RABGAP1L: variants seen among roughly 807,000 people sequenced by gnomAD.
The protein encoded by RABGAP1L is RAB GTPase activating protein 1 like.
RABGAP1L carries 63 observed loss-of-function variants against 137.7 expected under a neutral mutation model. The observed-to-expected ratio is 0.46, with a 90% CI of 0.37 to 0.56. RABGAP1L has a LOEUF of 0.56. Ranked by LOEUF, RABGAP1L falls within the 20% of genes least tolerant of loss-of-function variation. The pLI, the probability that RABGAP1L is intolerant of heterozygous loss-of-function variation, is 0.00. For missense variants in RABGAP1L, 1,095 were observed against 1,244.0 expected, an observed-to-expected ratio of 0.88 and a Z score of 1.80; for synonymous variants, 431 against 433.7, an observed-to-expected ratio of 0.99 and a Z score of 0.08.
intron 18 of RABGAP1L, among the ~76,000 whole-genome samples, chr1:174,774,552 T>A: frequency 7.0e-6 from 1 of 142,662 alleles, no homozygotes; most frequent in Admixed American, 7.0e-5. Context: ...AAAGGAAGAT[T>A]TTTTTTTTTT....
At chr1:174,443,445 T>C (rs1339410252) in intron 13 of RABGAP1L, among the ~76,000 whole-genome samples, 1 of 152,120 alleles carries the variant, frequency 6.6e-6, no homozygotes, top group Non-Finnish European at 1.5e-5. Context: ...TCATTATAGT[T>C]TTATAGTTTT....
At chr1:174,499,873 T>C (rs1661098344) in intron 13 of RABGAP1L, among the ~76,000 whole-genome samples, 1 of 152,172 alleles carries the variant, frequency 6.6e-6, no homozygotes, top group Admixed American at 6.5e-5. Flanking sequence ...GGGACTCTCT[T>C]TTAAGTTCAT....
chr1:174,453,455 A>C (rs909708255), intron 13 of RABGAP1L, among the ~76,000 whole-genome samples: 15 of 152,210 alleles, frequency 9.9e-5, no homozygotes, highest in Non-Finnish European at 2.9e-5. Context: ...AGATGTGAAA[A>C]AGATACAATT....
intron 19 of RABGAP1L, among the ~76,000 whole-genome samples, chr1:174,841,610 A>G (rs181847200): frequency 3.2e-4 from 48 of 152,210 alleles, no homozygotes; most frequent in African/African-American, 1.1e-3. Context: ...TAAATAAAAG[A>G]GCTGATTTTT....
chr1:174,437,949 A>G (rs533720272), intron 13 of RABGAP1L, among the ~76,000 whole-genome samples: 2 of 152,328 alleles, frequency 1.3e-5, no homozygotes, highest in African/African-American at 4.8e-5. Flanking sequence ...TCAACCCAGA[A>G]TTTCATATCC....
intron 19 of RABGAP1L, among the ~76,000 whole-genome samples, chr1:174,929,688 A>T (rs1456911894): frequency 5.3e-5 from 8 of 151,820 alleles, no homozygotes; most frequent in Non-Finnish European, 1.0e-4. Flanking sequence ...GGCTACAGTG[A>T]GCTATGATCA....
At chr1:174,835,190 C>A (rs1692613443) in intron 19 of RABGAP1L, among the ~76,000 whole-genome samples, 1 of 152,074 alleles carries the variant, frequency 6.6e-6, no homozygotes, top group African/African-American at 2.4e-5. Context: ...GTCCAAAAGT[C>A]TTTTTTTCTG....
At chr1:174,692,702 T>A (rs1340408641) in intron 15 of RABGAP1L, among the ~76,000 whole-genome samples, 2 of 152,214 alleles carry the variant, frequency 1.3e-5, no homozygotes, top group Non-Finnish European at 1.5e-5. Context: ...CTTTTGAGTA[T>A]CCTTGTATAA....
intron 13 of RABGAP1L, among the ~76,000 whole-genome samples, chr1:174,521,904 C>G (rs1342012481): frequency 6.6e-6 from 1 of 152,054 alleles, no homozygotes; most frequent in Non-Finnish European, 1.5e-5. Flanking sequence ...CATAGTGAAA[C>G]CCCATCTCTA....
In RABGAP1L at chr1:174,398,582, T is replaced by C. The variant is rs572223175; in HGVS notation, c.1710+4437T>C. Among the ~76,000 whole-genome samples, 33 of 152,296 alleles carry C rather than the reference T, an allele frequency of 2.2e-4. No homozygotes were observed. In the South Asian group the frequency reaches 6.0e-3, roughly 28 times the overall value. ...GGCTGGAAAAAAGGCTAGACCTCTC[T>C]TTGGCATTTCTGAACCCAGTCTATC... On this transcript the variant is annotated intron_variant, in intron 13 of 25. Coordinates refer to ENST00000681986, the MANE Select transcript of RABGAP1L (RefSeq NM_001366446.1).
intron 1 of RABGAP1L, among the ~76,000 whole-genome samples, chr1:174,193,052 A>G (rs1667323674): frequency 6.6e-6 from 1 of 152,258 alleles, no homozygotes. Context: ...GACTGCGAAC[A>G]TAAACATGAC....
intron 14 of RABGAP1L, among the ~76,000 whole-genome samples, chr1:174,637,928 T>G (rs868557620): frequency 3.3e-5 from 5 of 152,356 alleles, no homozygotes; most frequent in Middle Eastern, 3.4e-3. Context: ...CGTCACATCA[T>G]ATATTTTTGT....
Position 174,448,112 on chromosome 1 carries a change from A to G in RABGAP1L, c.1710+53967A>G, listed in dbSNP as rs1166688704. 1 of 1,607,480 alleles carries G rather than the reference A, an allele frequency of 6.2e-7. No individual in the cohort carries two copies. On this transcript the variant is annotated intron_variant, in intron 13 of 25. Coordinates refer to ENST00000681986, the MANE Select transcript of RABGAP1L (RefSeq NM_001366446.1). This position sits in a 1 kb window ranked among gnomAD's most constrained non-coding sequence, Gnocchi z 4.2. ...GCAGGTGTCTTTAAATTTCCAAGCC[A>G]TGAATGAATCCAGGTGGACTGAATG...
rs1379856824 is a variant in RABGAP1L, at chr1:174,957,546, C to T, written c.2430C>T (p.Tyr810=). ...QLQQEDPMDR[Y]KRENRRLQEA... Reference sequence around the variant, plus strand: ...AACAGGAAGACCCAATGGATAGATACAAGGTATGAGAAATATGTTGCACCT... The same window carrying T: ...AACAGGAAGACCCAATGGATAGATATAAGGTATGAGAAATATGTTGCACCT... Residue 810 remains tyrosine (Y), a synonymous_variant, in exon 20 of 26, where the codon TAC becomes TAT. Transcript: ENST00000681986. The T allele has an allele frequency of 6.3e-7, 1 of 1,598,536 alleles. No individual in the cohort carries two copies. Among genetic ancestry groups the T allele is most frequent in the South Asian group, 1.1e-5 (1 of 90,716 alleles).
At chr1:174,226,187 A>G (rs1670162835) in intron 3 of RABGAP1L, among the ~76,000 whole-genome samples, 1 of 152,180 alleles carries the variant, frequency 6.6e-6, no homozygotes, top group Non-Finnish European at 1.5e-5. Context: ...GGAGGTGATG[A>G]TGAGAAAAAT....
rs769994436 is a variant in RABGAP1L, at chr1:174,272,471, A to G, written c.1044A>G (p.Leu348=). 1 of 1,594,840 alleles carries G rather than the reference A, an allele frequency of 6.3e-7. No homozygotes were observed. Among genetic ancestry groups the G allele is most frequent in the Admixed American group, 1.8e-5 (1 of 56,164 alleles). ...ACGTGAAGAACAGTGACATGCATTT[A>G]CTGGATATGGTAATGATAATCTTAA... ...GRNVKNSDMH[L]LDMESMGKSY... is the part of the protein sequence containing the mutation. Residue 348 remains leucine, a synonymous_variant, in exon 8 of 26, where the codon TTA becomes TTG. Transcript: ENST00000681986.
chr1:174,359,779 C>G (rs765971156), intron 11 of RABGAP1L, among the ~76,000 whole-genome samples: 2 of 152,214 alleles, frequency 1.3e-5, no homozygotes, highest in Non-Finnish European at 1.5e-5. Flanking sequence ...CTTAACCTCT[C>G]TCTGCCTCAA....
intron 13 of RABGAP1L, among the ~76,000 whole-genome samples, chr1:174,515,192 G>A (rs978416997): frequency 6.6e-6 from 1 of 152,116 alleles, no homozygotes; most frequent in African/African-American, 2.4e-5. Flanking sequence ...TGTATCCTAT[G>A]AAGTAGTTAC....
At chr1:174,575,258 A>G (rs2148064217) in intron 13 of RABGAP1L, among the ~76,000 whole-genome samples, 1 of 152,304 alleles carries the variant, frequency 6.6e-6, no homozygotes, top group Admixed American at 6.5e-5. Flanking sequence ...AGTTTTTTCC[A>G]GATGGGATAA....
Sources: allele counts gnomAD v4.1 joint callset (sites outside exome capture counted in the v4.1 genomes callset), GRCh38; gene constraint gnomAD v4.1.1; non-coding constraint Gnocchi (gnomAD v3.1); transcripts MANE v1.5; gene names NCBI Gene and HGNC (gene_info 2026-07-23, HGNC 2026-07-21).